LPP: variants seen among roughly 807,000 people sequenced by gnomAD.
The protein encoded by LPP is LIM domain containing preferred translocation partner in lipoma, also known as lipoma-preferred partner.
In LPP, 38 loss-of-function variants were observed where a neutral mutation model predicts 60.4. That is an observed-to-expected ratio of 0.63 (90% CI 0.49 to 0.83). The LOEUF (loss-of-function observed/expected upper bound fraction) is 0.83. Ranked by LOEUF, LPP falls within the 40% of genes least tolerant of loss-of-function variation. LPP has a pLI of 0.00. For synonymous variants in LPP, 328 were observed against 290.8 expected (o/e 1.13, Z -1.30); for missense variants, 902 against 783.6 (o/e 1.15, Z -1.80).
chr3:188,643,628 A>T (rs1850582784), intron 7 of LPP, among the ~76,000 whole-genome samples: 1 of 152,026 alleles, frequency 6.6e-6, no homozygotes, highest in Admixed American at 6.6e-5. Context: ...TATAGATGTG[A>T]TGTCTCCTGT....
intron 4 of LPP, among the ~76,000 whole-genome samples, chr3:188,482,393 G>T (rs772493788): frequency 1.3e-5 from 2 of 152,154 alleles, no homozygotes; most frequent in Non-Finnish European, 2.9e-5. Context: ...CTCATTGTGA[G>T]CACTGTTTTC....
intron 9 of LPP, among the ~76,000 whole-genome samples, chr3:188,835,302 CAAA>C (rs11354742): frequency 2.4e-4 from 30 of 125,946 alleles, no homozygotes; most frequent in African/African-American, 4.7e-4. Flanking sequence ...ACTAAAAATA[CAAA>C]AAAAAAAAAA....
At position 188,509,868 on chromosome 3, in the gene LPP, T is replaced by TG. The variant is rs1308183693; in HGVS notation, c.307-14797_307-14796insG. On this transcript the variant is annotated intron_variant, in intron 5 of 11. Coordinates refer to ENST00000617246, the MANE Select transcript of LPP (RefSeq NM_001375462.1). ...CCACCATGCCTGGCTAATTTTTTTT[T>TG]TGTTGTTTTTTTTTTTTTTTTTGCA... Among the ~76,000 whole-genome samples, 4 of 59,574 alleles carry TG rather than the reference T, an allele frequency of 6.7e-5. No homozygotes were observed. The Admixed American group carries it at 9.9e-4, about 15-fold the overall frequency. 39.1% of individuals were successfully genotyped at this position (59,574 alleles called of 152,430 possible).
chr3:188,685,438 G>T (rs16863516), intron 7 of LPP, among the ~76,000 whole-genome samples: 11,021 of 152,216 alleles, frequency 0.072, 614 homozygotes, highest in African/African-American at 0.15. Context: ...GGAATAGGGT[G>T]TACACGTAAG....
In LPP at chr3:188,217,069, C is replaced by T. The variant is rs930180231; in HGVS notation, c.-189-8336C>T. 2.0e-5 allele frequency among the ~76,000 whole-genome samples: 3 copies of T among 152,212 alleles called. No individual in the cohort carries two copies. The highest frequency in any genetic ancestry group is 4.4e-5 in the Non-Finnish European group (3 of 68,040). On this transcript the variant is annotated intron_variant, in intron 1 of 11. Coordinates refer to ENST00000617246, the MANE Select transcript of LPP (RefSeq NM_001375462.1). This position sits in a 1 kb window ranked among gnomAD's most constrained non-coding sequence, Gnocchi z 4.0. Reference sequence around the variant, plus strand: ...CAACAACGATCTCTTGGTGCTTACACGCTGCTGCAGGTGTGTGAAGGAGGC... The same window carrying T: ...CAACAACGATCTCTTGGTGCTTACATGCTGCTGCAGGTGTGTGAAGGAGGC...
intron 4 of LPP, among the ~76,000 whole-genome samples, chr3:188,423,929 T>G (rs944980260): frequency 6.6e-6 from 1 of 152,178 alleles, no homozygotes; most frequent in Non-Finnish European, 1.5e-5. Context: ...ATAGATAGTT[T>G]TTTTTGCTGT....
intron 1 of LPP, among the ~76,000 whole-genome samples, chr3:188,216,255 C>T (rs559092485): frequency 6.7e-6 from 1 of 150,126 alleles, no homozygotes; most frequent in African/African-American, 2.4e-5. Context: ...CTTGACTCTG[C>T]TCGTCTTCTT....
At position 188,380,123 on chromosome 3, in the gene LPP, A is replaced by G. The variant is rs573447241; in HGVS notation, c.-9-25989A>G. 3.3e-5 allele frequency among the ~76,000 whole-genome samples: 5 copies of G among 152,346 alleles called. No individual in the cohort carries two copies. The South Asian group carries it at 1.0e-3, about 32-fold the overall frequency. On this transcript the variant is annotated intron_variant, in intron 3 of 11. Coordinates refer to ENST00000617246, the MANE Select transcript of LPP (RefSeq NM_001375462.1). ...TGGAGAACCAGGTGTGAAATCATGAACAACTCCCTCCCAAGTACTTTTCCC... is the reference window on the plus strand; with the variant it reads ...TGGAGAACCAGGTGTGAAATCATGAGCAACTCCCTCCCAAGTACTTTTCCC...
chr3:188,847,150 G>T (rs938483386), intron 9 of LPP, among the ~76,000 whole-genome samples: 2 of 152,208 alleles, frequency 1.3e-5, no homozygotes, highest in African/African-American at 4.8e-5. Flanking sequence ...TTGCTGAGAA[G>T]TGTCTTCCAC....
chr3:188,163,432 G>A (rs911781766), intron 1 of LPP, among the ~76,000 whole-genome samples: 2 of 152,124 alleles, frequency 1.3e-5, no homozygotes, highest in African/African-American at 4.8e-5. Flanking sequence ...ACCCAGCAGC[G>A]CAACTGTCAA....
intron 2 of LPP, among the ~76,000 whole-genome samples, chr3:188,317,063 AC>A (rs1421142504): frequency 3.3e-5 from 5 of 152,150 alleles, no homozygotes; most frequent in African/African-American, 2.4e-5. Context: ...TCCCGATGAA[AC>A]TGCTAATCTG....
chr3:188,284,791 G>A (rs1488154267), intron 2 of LPP, among the ~76,000 whole-genome samples: 1 of 152,152 alleles, frequency 6.6e-6, no homozygotes, highest in African/African-American at 2.4e-5. Flanking sequence ...GAGCATGTAG[G>A]GAAAGGGCCT....
At chr3:188,451,778 T>G (rs1796637872) in intron 4 of LPP, among the ~76,000 whole-genome samples, 1 of 152,168 alleles carries the variant, frequency 6.6e-6, no homozygotes. Context: ...AGGAGGAATA[T>G]TCAGACAGAG....
intron 7 of LPP, among the ~76,000 whole-genome samples, chr3:188,700,468 G>A (rs148636547): frequency 5.7e-4 from 87 of 152,306 alleles, no homozygotes; most frequent in African/African-American, 2.0e-3. Context: ...AGATGGTGTG[G>A]TGTTTTCCTG....
chr3:188,534,956 A>G (rs909728390), intron 6 of LPP, among the ~76,000 whole-genome samples: 1 of 152,248 alleles, frequency 6.6e-6, no homozygotes, highest in African/African-American at 2.4e-5. Flanking sequence ...CAGTGGGTAT[A>G]TTAATTATAA....
At chr3:188,563,955 A>C (rs1165285780) in intron 6 of LPP, among the ~76,000 whole-genome samples, 1 of 151,880 alleles carries the variant, frequency 6.6e-6, no homozygotes, top group Non-Finnish European at 1.5e-5. Flanking sequence ...ACAGGCACTC[A>C]CCATGGAAGA....
intron 2 of LPP, among the ~76,000 whole-genome samples, chr3:188,261,370 AC>A (rs1733575243): frequency 6.6e-6 from 1 of 152,154 alleles, no homozygotes; most frequent in Non-Finnish European, 1.5e-5. Context: ...ACACACACAC[AC>A]ACATACACAC....
At chr3:188,788,225 C>G (rs1233973092) in intron 9 of LPP, among the ~76,000 whole-genome samples, 1 of 152,210 alleles carries the variant, frequency 6.6e-6, no homozygotes, top group Non-Finnish European at 1.5e-5. Flanking sequence ...AGTTCATACT[C>G]CTCACACTAC....
At chr3:188,296,241 A>G (rs1318119880) in intron 2 of LPP, among the ~76,000 whole-genome samples, 2 of 152,194 alleles carry the variant, frequency 1.3e-5, no homozygotes, top group Non-Finnish European at 2.9e-5. Flanking sequence ...AGGAGCTTGG[A>G]GTCTTATAGA....
Sources: allele counts gnomAD v4.1 joint callset (sites outside exome capture counted in the v4.1 genomes callset), GRCh38; gene constraint gnomAD v4.1.1; non-coding constraint Gnocchi (gnomAD v3.1); transcripts MANE v1.5; gene names NCBI Gene and HGNC (gene_info 2026-07-23, HGNC 2026-07-21).